ECPAS: variants seen among roughly 807,000 people sequenced by gnomAD.
ECPAS encodes Ecm29 proteasome adaptor and scaffold, also known as proteasome adapter and scaffold protein ECM29.
ECPAS carries 70 observed loss-of-function variants against 255.1 expected under a neutral mutation model. The observed-to-expected ratio is 0.27, with a 90% CI of 0.23 to 0.33. The LOEUF is 0.33. Ranked by LOEUF, ECPAS falls within the 10% of genes least tolerant of loss-of-function variation. The pLI, the probability that ECPAS is intolerant of heterozygous loss-of-function variation, is 1.00. For missense variants in ECPAS, 1,817 were observed against 2,206.4 expected (o/e 0.82, Z 3.54); for synonymous variants, 784 against 775.0 (o/e 1.01, Z -0.19).
In ECPAS at chr9:111,420,210, G is replaced by C. The variant is rs16916082; in HGVS notation, c.1456-90C>G. 3,176 of 802,210 alleles carry C rather than the reference G, an allele frequency of 4.0e-3. 94 individuals carry two copies. The African/African-American group carries it at 0.05, about 13-fold the overall frequency. The allele number at this position is 802,210 out of a possible 1,614,324, so 49.7% of individuals were successfully genotyped here. A position where few individuals can be genotyped will look rare whatever the true frequency, so the allele number is the denominator to read the frequency against. ...CAGCCATTCATTCCAATCAAGATGA[G>C]TCTTCCTAACTGTAAACAATTCAAA... On this transcript the variant is annotated intron_variant, in intron 15 of 49. Coordinates refer to ENST00000684092, the MANE Select transcript of ECPAS (RefSeq NM_001364929.1).
intron 9 of ECPAS, among the ~76,000 whole-genome samples, chr9:111,430,326 GAC>G (rs1252118059): frequency 1.3e-5 from 2 of 152,142 alleles, no homozygotes; most frequent in African/African-American, 4.8e-5. Flanking sequence ...CCCTACTCTA[GAC>G]AGTTTGTCAT....
chr9:111,419,421 G>T lies in ECPAS; in HGVS notation c.1559+596C>A, dbSNP rs573128269. ...ACATATAACAGATTTGAAAAGAGTT[G>T]TTTTAATATGTCCACATATATTTCA... is the stretch of plus-strand genomic sequence containing the variant. On this transcript the variant is annotated intron_variant, in intron 16 of 49. Coordinates refer to ENST00000684092, the MANE Select transcript of ECPAS (RefSeq NM_001364929.1). Among the ~76,000 whole-genome samples the T allele has an allele frequency of 1.3e-4, 20 of 152,120 alleles. No individual in the cohort carries two copies. The South Asian group carries it at 1.7e-3, about 13-fold the overall frequency.
chr9:111,426,383 A>C (rs1480015654), intron 10 of ECPAS, among the ~76,000 whole-genome samples: 2 of 151,964 alleles, frequency 1.3e-5, no homozygotes, highest in South Asian at 2.1e-4. Flanking sequence ...AAAAAAAAAA[A>C]AACTCTATAC....
Position 111,478,221 on chromosome 9 carries a change from A to C in ECPAS, c.-82-5221T>G, listed in dbSNP as rs565650807. The stretch of plus-strand genomic sequence containing the variant: ...CAGCCTTCTGGCAACTTCATGCTCA[A>C]TGGTATTACTCAAAAAAAATAAATA... On this transcript the variant is annotated intron_variant, in intron 1 of 49. Coordinates refer to ENST00000684092, the MANE Select transcript of ECPAS (RefSeq NM_001364929.1). 9.2e-5 allele frequency among the ~76,000 whole-genome samples: 14 copies of C among 151,588 alleles called. No individual in the cohort carries two copies. In the East Asian group the frequency reaches 2.3e-3, roughly 25 times the overall value.
intron 5 of ECPAS, among the ~76,000 whole-genome samples, chr9:111,441,461 C>G (rs147502466): frequency 0.056 from 8,417 of 150,750 alleles, 563 homozygotes; most frequent in African/African-American, 0.15. Context: ...GCCAAGATTG[C>G]GCCATTGCAC....
chr9:111,484,210 G>A lies in ECPAS; in HGVS notation c.-177C>T, dbSNP rs1232450417. On this transcript the variant is annotated 5_prime_UTR_variant, in exon 1 of 50. Transcript: ENST00000684092. ...GGCGTTCGGCGGGCCGGGCCCCGGG[G>A]AGCCGCGCGCCGCAGTCCGTGAGGG... The A allele has an allele frequency of 1.4e-6, 2 of 1,472,802 alleles. No homozygotes were observed. The highest frequency in any genetic ancestry group is 1.8e-6 in the Non-Finnish European group (2 of 1,115,726). 91.2% of individuals were successfully genotyped at this position (1,472,802 alleles called of 1,614,324 possible).
At chr9:111,427,689 A>G (rs1018243165) in intron 10 of ECPAS, among the ~76,000 whole-genome samples, 7 of 152,192 alleles carry the variant, frequency 4.6e-5, no homozygotes, top group African/African-American at 1.7e-4. Context: ...AATTTATACA[A>G]TATTTTAAAT....
rs373730411 is a variant in ECPAS, at chr9:111,363,607, C to T, written c.5361G>A (p.Leu1787=). ...VRTEALSVIE[L]LLKKLEESKQ... is the part of the protein sequence containing the mutation. The stretch of plus-strand genomic sequence containing the variant: ...ACTTACCTTCAAGTTTTTTAAGCAG[C>T]AATTCTATCACAGATAAAGCTTCTG... The change falls in exon 49 of 50, where the codon TTG becomes TTA. Residue 1787 remains leucine, a synonymous_variant. Coordinates refer to ENST00000684092, the MANE Select transcript of ECPAS (RefSeq NM_001364929.1). 16 of 1,579,528 alleles carry T rather than the reference C, an allele frequency of 1.0e-5. No individual in the cohort carries two copies. The African/African-American group carries it at 2.1e-4, about 20-fold the overall frequency.
chr9:111,415,799 A>G (rs954119038), intron 18 of ECPAS, among the ~76,000 whole-genome samples: 10 of 152,178 alleles, frequency 6.6e-5, no homozygotes, highest in Admixed American at 2.0e-4. Context: ...TGATCGTTAA[A>G]ATAGGATAGG....
chr9:111,432,515 G>A (rs2098231568), intron 8 of ECPAS, among the ~76,000 whole-genome samples: 1 of 152,238 alleles, frequency 6.6e-6, no homozygotes, highest in Admixed American at 6.5e-5. Flanking sequence ...TTGGGAGGCT[G>A]AGGCATGAGA....
intron 26 of ECPAS, 90 bp downstream of exon 26, chr9:111,394,070 T>C (rs961407401): frequency 8.9e-6 from 11 of 1,230,048 alleles, no homozygotes; most frequent in African/African-American, 6.1e-5. Flanking sequence ...ATACCTACTA[T>C]TGGTTAATGA....
chr9:111,428,214 G>A, intron 9 of ECPAS, 53 bp from the exon 10 acceptor site: 2 of 1,541,372 alleles, frequency 1.3e-6, no homozygotes, highest in South Asian at 1.2e-5. Flanking sequence ...ATTTTGAACT[G>A]AAAATGTCAT....
chr9:111,447,204 A>G (rs2098254335), intron 3 of ECPAS, among the ~76,000 whole-genome samples: 1 of 151,772 alleles, frequency 6.6e-6, no homozygotes, highest in Admixed American at 6.6e-5. Flanking sequence ...AGCCAACTGC[A>G]GCCTCGAACT....
intron 24 of ECPAS, among the ~76,000 whole-genome samples, chr9:111,400,621 A>C (rs994351779): frequency 2.6e-5 from 4 of 152,210 alleles, no homozygotes; most frequent in Admixed American, 1.3e-4. Context: ...TAGAGCTGAA[A>C]AATATAATGG....
chr9:111,413,262 A>T (rs2098197665), intron 20 of ECPAS, among the ~76,000 whole-genome samples: 1 of 152,230 alleles, frequency 6.6e-6, no homozygotes, highest in Admixed American at 6.5e-5. Context: ...CTAAATGACC[A>T]TCTATAAAGA....
chr9:111,423,174 T>G (rs374522049), intron 13 of ECPAS, 25 bp downstream of exon 13: 4 of 1,508,034 alleles, frequency 2.7e-6, no homozygotes, highest in Non-Finnish European at 3.6e-6. Flanking sequence ...ACACCATATC[T>G]CTCACTAAAA....
chr9:111,451,284 G>A (rs766752512), intron 3 of ECPAS, 141 bp downstream of exon 3: 27 of 814,030 alleles, frequency 3.3e-5, no homozygotes, highest in Non-Finnish European at 4.8e-5. Context: ...ATAAAAGCTG[G>A]TTCTAGACTT....
In ECPAS at chr9:111,389,537, G is replaced by T. The variant is rs958161805; in HGVS notation, c.3447+19C>A. 4 of 1,606,100 alleles carry T rather than the reference G, an allele frequency of 2.5e-6. No individual in the cohort carries two copies. The Admixed American group carries it at 6.7e-5, about 27-fold the overall frequency. On this transcript the variant is annotated intron_variant, in intron 31 of 49. Transcript: ENST00000684092. ...CAGTCTACAGTGTTTTCCTAACACA[G>T]GGGTTCACAGACACTTACCATGGAT... is the stretch of plus-strand genomic sequence containing the variant.
intron 4 of ECPAS, among the ~76,000 whole-genome samples, chr9:111,443,649 TAAAG>T (rs1473281643): frequency 2.0e-5 from 3 of 152,306 alleles, no homozygotes; most frequent in East Asian, 3.9e-4. Context: ...CCTATTTGCT[TAAAG>T]AAAGGAAATG....
Sources: allele counts gnomAD v4.1 joint callset (sites outside exome capture counted in the v4.1 genomes callset), GRCh38; gene constraint gnomAD v4.1.1; transcripts MANE v1.5; gene names NCBI Gene and HGNC (gene_info 2026-07-23, HGNC 2026-07-21).